Variants in TENM2 observed in about 807,000 individuals in gnomAD.
TENM2 encodes the protein teneurin transmembrane protein 2, also known as teneurin-2.
In TENM2, 52 loss-of-function variants were observed where a neutral mutation model predicts 245.2. That is an observed-to-expected ratio of 0.21 (90% CI 0.17 to 0.27). TENM2 has a LOEUF of 0.27. Among genes scored for constraint, TENM2 ranks in the 10% least tolerant of loss-of-function variants. The pLI is 1.00. For synonymous variants in TENM2, 1,363 were observed against 1,438.9 expected, an observed-to-expected ratio of 0.95 and a Z score of 1.19; for missense variants, 3,046 against 3,666.8, an observed-to-expected ratio of 0.83 and a Z score of 4.37.
rs1196565475 is a variant in TENM2 at position 168,125,270 on chromosome 5, G to A, written c.2209+220G>A. Among the ~76,000 whole-genome samples the A allele has an allele frequency of 2.6e-5, 4 of 152,270 alleles. No homozygotes were observed. In the East Asian group the frequency reaches 7.7e-4, roughly 29 times the overall value. ...CTGGGTTGGTACCATCACCGCAAAT[G>A]CATGAGGAGCCCAGGAGGGATGCTT... On this transcript the variant is annotated intron_variant, in intron 11 of 28. Transcript: ENST00000518659.
chr5:168,226,462 A>C (rs1764197013), intron 24 of TENM2, among the ~76,000 whole-genome samples, 199 bp downstream of exon 26: 2 of 151,950 alleles, frequency 1.3e-5, no homozygotes, highest in South Asian at 4.2e-4. Flanking sequence ...ATAGAACAGA[A>C]TGTCATCTAC....
exon 17 of TENM2, chr5:168,200,074 A>G: frequency 6.2e-7 from 1 of 1,613,908 alleles, no homozygotes; most frequent in Non-Finnish European, 8.5e-7. Context: ...CTACACCTTC[A>G]TCTGGGACAA....
the TENM2 span, among the ~76,000 whole-genome samples, chr5:167,173,485 C>T: frequency 6.6e-6 from 1 of 152,154 alleles, no homozygotes; most frequent in African/African-American, 2.4e-5. Flanking sequence ...CTTTTTCCAA[C>T]ACAGCTTATA....
chr5:168,167,986 A>T (rs945366431), intron 13 of TENM2, among the ~76,000 whole-genome samples: 11 of 152,196 alleles, frequency 7.2e-5, no homozygotes, highest in African/African-American at 2.2e-4. Flanking sequence ...AGGAGACTGA[A>T]TTCATATAGA....
chr5:167,283,786 T>C (rs911864634), upstream of TENM2, among the ~76,000 whole-genome samples: 1 of 152,316 alleles, frequency 6.6e-6, no homozygotes, highest in Non-Finnish European at 1.5e-5. Flanking sequence ...TAAGAGCCTA[T>C]GATTTGGAAC....
At chr5:168,167,417 T>G (rs926321359) in intron 13 of TENM2, among the ~76,000 whole-genome samples, 1 of 152,040 alleles carries the variant, frequency 6.6e-6, no homozygotes, top group African/African-American at 2.4e-5. Context: ...CCCTAGCCCT[T>G]CCATCATTTC....
intron 5 of TENM2, among the ~76,000 whole-genome samples, chr5:168,023,234 A>T (rs1786315454): frequency 6.6e-6 from 1 of 152,238 alleles, no homozygotes; most frequent in Non-Finnish European, 1.5e-5. Context: ...CCTTGGGCAA[A>T]TTCATTTGAA....
chr5:167,780,446 C>T (rs1432670047), intron 2 of TENM2, among the ~76,000 whole-genome samples: 1 of 152,148 alleles, frequency 6.6e-6, no homozygotes, highest in East Asian at 1.9e-4. Flanking sequence ...TGTCCTTTCA[C>T]GGCCTATTTA....
the TENM2 span, among the ~76,000 whole-genome samples, chr5:167,193,811 T>C: frequency 3.9e-5 from 6 of 152,078 alleles, no homozygotes; most frequent in African/African-American, 1.2e-4. Flanking sequence ...GTGTTCAAAG[T>C]GCTCTTCATG....
At chr5:167,159,300 C>G in the TENM2 span, among the ~76,000 whole-genome samples, 2 of 151,746 alleles carry the variant, frequency 1.3e-5, no homozygotes, top group South Asian at 4.2e-4. Context: ...TCTTTTATTT[C>G]CATGCAATTT....
chr5:167,993,924 GGTGTAGCCGT>G (rs1783860040), intron 5 of TENM2, among the ~76,000 whole-genome samples: 1 of 152,220 alleles, frequency 6.6e-6, no homozygotes, highest in East Asian at 1.9e-4. Context: ...ACAGCCATAG[GGTGTAGCCGT>G]GTCACCACAG....
At chr5:168,126,397 C>T (rs1337612629) in intron 11 of TENM2, among the ~76,000 whole-genome samples, 12 of 152,174 alleles carry the variant, frequency 7.9e-5, no homozygotes, top group Non-Finnish European at 1.8e-4. Flanking sequence ...GTGGTTCTCA[C>T]ATTCTAGCGA....
chr5:168,030,894 G>T (rs563301881), intron 5 of TENM2, among the ~76,000 whole-genome samples: 1 of 152,302 alleles, frequency 6.6e-6, no homozygotes, highest in African/African-American at 2.4e-5. Flanking sequence ...GGTGGAAAAT[G>T]GGAGGTTGGG....
the TENM2 span, among the ~76,000 whole-genome samples, chr5:167,276,020 T>A: frequency 6.6e-6 from 1 of 152,078 alleles, no homozygotes; most frequent in Admixed American, 6.6e-5. Flanking sequence ...AATATTGAAT[T>A]CTGAGTCTTG....
chr5:168,036,675 G>GTGTA (rs1787708956), intron 5 of TENM2, among the ~76,000 whole-genome samples: 1 of 36,706 alleles, frequency 2.7e-5, no homozygotes, highest in Non-Finnish European at 5.1e-5. Flanking sequence ...ATATATGTAT[G>GTGTA]TGTATATATA....
chr5:167,746,710 A>AGAGAGAGAGAGAGAGAGAGCGAGAGAGC (rs761614775), intron 2 of TENM2, among the ~76,000 whole-genome samples: 1 of 144,862 alleles, frequency 6.9e-6, no homozygotes, highest in Non-Finnish European at 1.5e-5. Context: ...AGAGAGAGAG[A>AGAGAGAGAGAGAGAGAGAGCGAGAGAGC]GAGAGCTGGA....
intron 5 of TENM2, among the ~76,000 whole-genome samples, chr5:168,006,605 A>G (rs1784838149): frequency 6.6e-6 from 1 of 152,208 alleles, no homozygotes; most frequent in Non-Finnish European, 1.5e-5. Context: ...GACAGGCACA[A>G]GGCTCTTCAG....
In TENM2 at chr5:167,639,732, T is replaced by A. The variant is rs76536823; in HGVS notation, c.503-236254T>A. Among the ~76,000 whole-genome samples the A allele has an allele frequency of 0.014, 2,196 of 152,026 alleles. 100 individuals carry two copies. The East Asian group carries it at 0.17, about 12-fold the overall frequency. On this transcript the variant is annotated intron_variant, in intron 2 of 28. Coordinates refer to ENST00000518659, the Ensembl canonical transcript of TENM2. ...ATCATCTCACCCAATCTTATTGTTT[T>A]AAAAAAAACCCATCACTCTCTTAAA...
chr5:168,165,648 A>ACCCCC (rs34203413), intron 13 of TENM2, among the ~76,000 whole-genome samples: 26 of 30,946 alleles, frequency 8.4e-4, no homozygotes, highest in South Asian at 1.1e-3. Context: ...CCCCCCCCCA[A>ACCCCC]CCCCCCCCCC....
Sources: allele counts gnomAD v4.1 joint callset (sites outside exome capture counted in the v4.1 genomes callset), GRCh38; gene constraint gnomAD v4.1.1; transcripts MANE v1.5; gene names NCBI Gene and HGNC (gene_info 2026-07-23, HGNC 2026-07-21).